TXNL4A: variants seen among roughly 807,000 people sequenced by gnomAD.
TXNL4A encodes thioredoxin like 4A, also known as thioredoxin-like protein 4A.
In TXNL4A, 17 loss-of-function variants were observed where a neutral mutation model predicts 14.6. The observed-to-expected ratio is 1.16, with a 90% CI of 0.80 to 1.74. TXNL4A has a LOEUF of 1.74. TXNL4A is among the 40% of genes most tolerant of loss of function. TXNL4A has a pLI of 0.00. For missense variants in TXNL4A, 74 were observed against 195.2 expected, an observed-to-expected ratio of 0.38 and a Z score of 3.70; for synonymous variants, 83 against 70.6, an observed-to-expected ratio of 1.18 and a Z score of -0.88.
At chr18:80,012,830 ATT>A (rs780269210) in intron 1 of TXNL4A, among the ~76,000 whole-genome samples, 20 of 143,244 alleles carry the variant, frequency 1.4e-4, no homozygotes, top group Non-Finnish European at 1.1e-4. Context: ...CTTCCATTAA[ATT>A]TTTTTTTTTT....
chr18:80,023,837 T>A (rs2051866038), intron 1 of TXNL4A, among the ~76,000 whole-genome samples: 1 of 152,254 alleles, frequency 6.6e-6, no homozygotes, highest in African/African-American at 2.4e-5. Context: ...TATTCTGTGC[T>A]TCTCAATATC....
At chr18:79,988,164 G>T in intron 1 of TXNL4A, 76 bp downstream of exon 1, 1 of 1,336,780 alleles carries the variant, frequency 7.5e-7, no homozygotes, top group Non-Finnish European at 9.7e-7. Flanking sequence ...CGCGCCCCCA[G>T]GCGACGCCGG....
At chr18:79,989,130 G>A (rs1428290335), upstream of TXNL4A, among the ~76,000 whole-genome samples, 2 of 152,086 alleles carry the variant, frequency 1.3e-5, no homozygotes, top group African/African-American at 2.4e-5. Flanking sequence ...TTTTTAATTT[G>A]TCTTTTTATA....
intron 1 of TXNL4A, among the ~76,000 whole-genome samples, chr18:80,015,265 G>C (rs573857974): frequency 6.6e-6 from 1 of 152,050 alleles, no homozygotes; most frequent in South Asian, 2.1e-4. Context: ...AAAAAAAATG[G>C]ACTTTTCTTT....
chr18:79,989,671 T>C (rs551649049), upstream of TXNL4A, among the ~76,000 whole-genome samples: 1 of 152,342 alleles, frequency 6.6e-6, no homozygotes, highest in South Asian at 2.1e-4. Flanking sequence ...ACTATCTAGC[T>C]ATCCTGGTGG....
chr18:80,027,311 T>C (rs886064132), intron 1 of TXNL4A, among the ~76,000 whole-genome samples: 3 of 152,064 alleles, frequency 2.0e-5, no homozygotes, highest in East Asian at 1.9e-4. Flanking sequence ...CCATATTCCC[T>C]GTAAAACAAA....
At chr18:80,024,818 C>T (rs942340330) in intron 1 of TXNL4A, among the ~76,000 whole-genome samples, 6 of 152,162 alleles carry the variant, frequency 3.9e-5, no homozygotes, top group Non-Finnish European at 8.8e-5. Context: ...TAGACCAAAC[C>T]GGTTCAGGAG....
In TXNL4A at chr18:79,998,948, G is replaced by A. The variant is rs4020402; in HGVS notation, c.-60-21247C>T. ...ATCATGCTAAAATAGAATGGTATAC[G>A]GATGGGTCTTATTTAAGAGGAGAGG... is the stretch of plus-strand genomic sequence containing the variant. On this transcript the variant is annotated intron_variant, in intron 1 of 2. Coordinates refer to the TXNL4A transcript ENST00000585474. Among the ~76,000 whole-genome samples, 1,173 of 152,116 alleles carry A rather than the reference G, an allele frequency of 7.7e-3. 19 individuals are homozygous for A. The highest frequency in any genetic ancestry group is 0.056 in the East Asian group (290 of 5,174).
At chr18:80,009,359 C>T (rs2051754511) in intron 1 of TXNL4A, among the ~76,000 whole-genome samples, 1 of 152,118 alleles carries the variant, frequency 6.6e-6, no homozygotes, top group African/African-American at 2.4e-5. Context: ...TTCCATATTT[C>T]ACGGGGCGTT....
At chr18:80,030,488 A>C (rs941058589) in intron 1 of TXNL4A, 2 of 152,336 alleles carry the variant, frequency 1.3e-5, no homozygotes, top group Non-Finnish European at 2.9e-5. Context: ...CAGACAAATT[A>C]CATAAGAACA....
At chr18:79,992,628 C>G (rs954318259), upstream of TXNL4A, among the ~76,000 whole-genome samples, 1 of 152,146 alleles carries the variant, frequency 6.6e-6, no homozygotes. Flanking sequence ...ATAACCTACA[C>G]GCCTCCCCCA....
At chr18:80,021,857 G>A (rs1180345474) in intron 1 of TXNL4A, among the ~76,000 whole-genome samples, 1 of 152,176 alleles carries the variant, frequency 6.6e-6, no homozygotes, top group Non-Finnish European at 1.5e-5. Flanking sequence ...ATTTGGACCA[G>A]TATAACAGTT....
chr18:80,007,316 C>G (rs2051738030), intron 1 of TXNL4A, among the ~76,000 whole-genome samples: 2 of 152,136 alleles, frequency 1.3e-5, no homozygotes, highest in African/African-American at 4.8e-5. Context: ...AATTTCTGTC[C>G]TTTTTAAGGG....
chr18:80,028,005 T>TGC (rs1190014207), intron 1 of TXNL4A, among the ~76,000 whole-genome samples: 5 of 152,184 alleles, frequency 3.3e-5, no homozygotes, highest in Non-Finnish European at 5.9e-5. Context: ...ACTGATCCCA[T>TGC]CTTGTGGACT....
intron 1 of TXNL4A, among the ~76,000 whole-genome samples, chr18:79,999,086 A>T (rs3952523): frequency 5.9e-5 from 9 of 152,230 alleles, no homozygotes; most frequent in South Asian, 2.1e-4. Context: ...CCCTGACCCG[A>T]GCTTGTCAAT....
intron 1 of TXNL4A, among the ~76,000 whole-genome samples, chr18:80,030,213 C>T (rs777983260): frequency 2.6e-5 from 4 of 152,196 alleles, no homozygotes; most frequent in Non-Finnish European, 5.9e-5. Flanking sequence ...ACTGCTTAAA[C>T]CCAAGACACA....
chr18:79,981,731 A>C (rs2051467419), intron 1 of TXNL4A, among the ~76,000 whole-genome samples: 1 of 152,250 alleles, frequency 6.6e-6, no homozygotes. Context: ...TTAAAGATAC[A>C]AATGTGACTC....
chr18:80,008,535 T>C (rs1051513670), intron 1 of TXNL4A, among the ~76,000 whole-genome samples: 1 of 152,186 alleles, frequency 6.6e-6, no homozygotes, highest in African/African-American at 2.4e-5. Context: ...GCATTGTTTT[T>C]ATGTTCCCTG....
At chr18:79,978,074 C>T (rs2145060071) in intron 1 of TXNL4A, among the ~76,000 whole-genome samples, 1 of 152,304 alleles carries the variant, frequency 6.6e-6, no homozygotes, top group Admixed American at 6.5e-5. Flanking sequence ...GCTCCTTCCG[C>T]CTCACGCCAC....
Sources: gnomAD v4.1 joint callset for allele counts (sites outside exome capture counted in the v4.1 genomes callset) on GRCh38, gnomAD v4.1.1 for gene constraint, MANE v1.5 for transcripts, NCBI Gene and HGNC (gene_info 2026-07-23, HGNC 2026-07-21) for gene names.